PCDHGA3: variants seen among roughly 807,000 people sequenced by gnomAD.
PCDHGA3 encodes the protein protocadherin gamma subfamily A, 3.
PCDHGA3 carries 40 observed loss-of-function variants against 58.5 expected under a neutral mutation model. That is an observed-to-expected ratio of 0.68 (90% CI 0.53 to 0.89). The LOEUF (loss-of-function observed/expected upper bound fraction) is 0.89, where lower values mean the gene tolerates loss of function less well. PCDHGA3 is among the 40% of genes least tolerant of loss of function. PCDHGA3 has a pLI of 0.00. For missense variants in PCDHGA3, 1,223 were observed against 1,195.9 expected (o/e 1.02, Z -0.33); for synonymous variants, 530 against 525.7 (o/e 1.01, Z -0.11).
intron 2 of PCDHGA3, among the ~76,000 whole-genome samples, chr5:141,497,393 CT>C (rs1035907100): frequency 2.1e-4 from 32 of 152,254 alleles, no homozygotes; most frequent in African/African-American, 7.5e-4. Context: ...CACCTTACCC[CT>C]GCCTCAACTC....
chr5:141,503,825 CA>C (rs2154593417), intron 2 of PCDHGA3, among the ~76,000 whole-genome samples: 1 of 152,186 alleles, frequency 6.6e-6, no homozygotes, highest in Non-Finnish European at 1.5e-5. Flanking sequence ...TGGGCAAAAC[CA>C]AAAGCAGGGA....
At chr5:141,453,001 G>C (rs1225973632) in intron 1 of PCDHGA3, among the ~76,000 whole-genome samples, 3 of 152,168 alleles carry the variant, frequency 2.0e-5, no homozygotes, top group African/African-American at 7.2e-5. Flanking sequence ...AAAGTTACCT[G>C]TAGTATAGTT....
chr5:141,394,145 C>A, intron 1 of PCDHGA3: 1 of 1,613,962 alleles, frequency 6.2e-7, no homozygotes, highest in Non-Finnish European at 8.5e-7. Flanking sequence ...ACGTGGCAGA[C>A]ATTAACGACA....
chr5:141,371,762 C>G (rs755631698), intron 1 of PCDHGA3: 1 of 1,614,030 alleles, frequency 6.2e-7, no homozygotes, highest in South Asian at 1.1e-5. Context: ...ACCAGGCCTC[C>G]TACACCGTGC....
chr5:141,395,111 T>A, intron 1 of PCDHGA3: 1 of 1,613,670 alleles, frequency 6.2e-7, no homozygotes, highest in Non-Finnish European at 8.5e-7. Flanking sequence ...CGCGGAAGAG[T>A]CACCTGATCT....
chr5:141,366,395 C>T (rs1764534294), intron 1 of PCDHGA3: 1 of 1,614,178 alleles, frequency 6.2e-7, no homozygotes, highest in African/African-American at 1.3e-5. Context: ...GGATCTGGAC[C>T]TCACACTCTA....
intron 1 of PCDHGA3, chr5:141,418,385 G>T: frequency 6.2e-7 from 1 of 1,613,930 alleles, no homozygotes; most frequent in Non-Finnish European, 8.5e-7. Context: ...AAGTCCTAAC[G>T]AGTATTTCTC....
Position 141,511,040 on chromosome 5 carries a change from C to T in PCDHGA3, c.2666C>T (p.Pro889Leu), listed in dbSNP as rs770767470. The T allele has an allele frequency of 6.2e-7, 1 of 1,614,216 alleles. No individual in the cohort carries two copies. The highest frequency in any genetic ancestry group is 1.7e-5 in the Admixed American group (1 of 60,034). Reference protein sequence around the residue: ...YGPQFTLQHVPDYRQNVYIPG... With the variant: ...YGPQFTLQHVLDYRQNVYIPG... ...CCCCAGTTCACCCTGCAGCACGTGC[C>T]CGACTACCGCCAGAATGTCTACATC... Residue 889 changes from proline (P) to leucine (L), a missense_variant, in exon 4 of 4, where the codon CCC becomes CTC. Physicochemically the swap from Pro to Leu is moderately conservative, Grantham distance 98. Transcript: ENST00000253812.
At chr5:141,429,577 T>C (rs2097225544) in intron 1 of PCDHGA3, among the ~76,000 whole-genome samples, 2 of 152,230 alleles carry the variant, frequency 1.3e-5, no homozygotes, top group South Asian at 4.1e-4. Context: ...TTACATTTAC[T>C]TTTGATTCTT....
chr5:141,449,588 CAAAAAA>C (rs768743917), intron 1 of PCDHGA3, among the ~76,000 whole-genome samples: 1 of 57,492 alleles, frequency 1.7e-5, no homozygotes, highest in Admixed American at 1.8e-4. Flanking sequence ...GACTCTGTCT[CAAAAAA>C]AAAAAAAAAA....
chr5:141,429,073 C>CTCGATT (rs1202357717), intron 1 of PCDHGA3: 1 of 152,116 alleles, frequency 6.6e-6, no homozygotes, highest in African/African-American at 2.4e-5. Context: ...CCAGGATGGT[C>CTCGATT]TCGATTTCCT....
intron 1 of PCDHGA3, chr5:141,370,872 C>A (rs201155008): frequency 6.2e-7 from 1 of 1,614,014 alleles, no homozygotes; most frequent in Admixed American, 1.7e-5. Flanking sequence ...TGCGCAAGAT[C>A]CTGATGTAGG....
intron 1 of PCDHGA3, among the ~76,000 whole-genome samples, chr5:141,445,264 G>A (rs566395616): frequency 1.4e-4 from 22 of 152,276 alleles, no homozygotes; most frequent in Admixed American, 1.4e-3. Flanking sequence ...AATATAAGTC[G>A]AAACCACTCT....
chr5:141,388,426 T>A, intron 1 of PCDHGA3: 1 of 1,613,864 alleles, frequency 6.2e-7, no homozygotes, highest in Non-Finnish European at 8.5e-7. Flanking sequence ...TTCTCACTGA[T>A]AAATAAAGAG....
intron 1 of PCDHGA3, among the ~76,000 whole-genome samples, chr5:141,492,782 C>T (rs2099743868): frequency 6.6e-6 from 1 of 152,258 alleles, no homozygotes; most frequent in Non-Finnish European, 1.5e-5. Context: ...GAGTGAGCCT[C>T]TATAGGACAG....
In PCDHGA3 at chr5:141,489,153, G is replaced by A; in HGVS notation, c.2425-5654G>A. The A allele has an allele frequency of 1.1e-6, 1 of 935,832 alleles. No homozygotes were observed. The highest frequency in any genetic ancestry group is 1.6e-6 in the Non-Finnish European group (1 of 627,178). 58.0% of individuals were successfully genotyped at this position (935,832 alleles called of 1,614,324 possible). A position where few individuals can be genotyped will look rare whatever the true frequency, so the allele number is the denominator to read the frequency against. ...TTTAAGAGGCTGGAAGGAGACATAA[G>A]AGACTTCAGCTGCTGCATTCCAAGC... On this transcript the variant is annotated intron_variant, in intron 1 of 3. Coordinates refer to ENST00000253812, the MANE Select transcript of PCDHGA3 (RefSeq NM_018916.4). This position sits in a 1 kb window ranked among gnomAD's most constrained non-coding sequence, Gnocchi z 4.5.
At chr5:141,404,102 T>C (rs1288980459) in intron 1 of PCDHGA3, 16 of 1,613,462 alleles carry the variant, frequency 9.9e-6, no homozygotes, top group Non-Finnish European at 8.5e-7. Context: ...TCAAGTTGTC[T>C]GTTCTATCCA....
chr5:141,365,621 C>A (rs1764025097), intron 1 of PCDHGA3: 2 of 1,613,576 alleles, frequency 1.2e-6, no homozygotes, highest in Non-Finnish European at 8.5e-7. Context: ...TGGAACCCCG[C>A]CCCTCTCTAC....
At chr5:141,355,077 C>A in intron 1 of PCDHGA3, 1 of 1,404,060 alleles carries the variant, frequency 7.1e-7, no homozygotes, top group Non-Finnish European at 9.5e-7. Flanking sequence ...ATGAAAGCTT[C>A]AAGCGGAAGC....
Sources: allele counts gnomAD v4.1 joint callset (sites outside exome capture counted in the v4.1 genomes callset), GRCh38; gene constraint gnomAD v4.1.1; non-coding constraint Gnocchi (gnomAD v3.1); transcripts MANE v1.5; gene names NCBI Gene and HGNC (gene_info 2026-07-23, HGNC 2026-07-21).